The following MRTFA variants were observed in gnomAD, a reference collection of about 807,000 sequenced individuals.
MRTFA encodes myocardin-related transcription factor A.
Under a neutral mutation model 83.5 loss-of-function variants are expected in MRTFA, and 20 were observed. That is an observed-to-expected ratio of 0.24 (90% CI 0.17 to 0.35). The LOEUF (loss-of-function observed/expected upper bound fraction) is 0.35. Ranked by LOEUF, MRTFA falls within the 10% of genes least tolerant of loss-of-function variation. MRTFA has a pLI of 1.00. For synonymous variants in MRTFA, 659 were observed against 541.2 expected (o/e 1.22, Z -3.02); for missense variants, 1,200 against 1,224.7 (o/e 0.98, Z 0.30).
intron 3 of MRTFA, among the ~76,000 whole-genome samples, chr22:40,470,739 A>T (rs1006255286): frequency 2.0e-5 from 3 of 151,952 alleles, no homozygotes; most frequent in African/African-American, 7.3e-5. Flanking sequence ...ACCTGAGGTC[A>T]GGAGTTCGAG....
At chr22:40,486,930 A>G (rs778524312) in intron 3 of MRTFA, among the ~76,000 whole-genome samples, 2 of 152,240 alleles carry the variant, frequency 1.3e-5, no homozygotes, top group Non-Finnish European at 2.9e-5. Flanking sequence ...CCAAGGTTGC[A>G]TCACTGCAAT....
chr22:40,528,797 T>C (rs1402357853), intron 3 of MRTFA, among the ~76,000 whole-genome samples: 1 of 152,022 alleles, frequency 6.6e-6, no homozygotes, highest in Non-Finnish European at 1.5e-5. Flanking sequence ...TAGAGCAAGC[T>C]TGCCCATCCT....
chr22:40,441,429 G>A lies in MRTFA; in HGVS notation c.308-5875C>T, dbSNP rs563064680. 2.0e-3 allele frequency among the ~76,000 whole-genome samples: 305 copies of A among 152,222 alleles called. 1 individual carries two copies. Among genetic ancestry groups the A allele is most frequent in the Non-Finnish European group, 3.4e-3 (231 of 68,026 alleles). ...CTTGTTTGCTGCCTAAATTAAATGA[G>A]GTCATTTGTCAATTAAAGATATAAA... On this transcript the variant is annotated intron_variant, in intron 4 of 14. Coordinates refer to ENST00000355630, the MANE Select transcript of MRTFA (RefSeq NM_020831.6).
intron 3 of MRTFA, chr22:40,526,475 A>T (rs1396660225): frequency 6.6e-6 from 1 of 152,248 alleles, no homozygotes; most frequent in Non-Finnish European, 1.5e-5. Flanking sequence ...CAACAAACAA[A>T]GCCAATATGG....
At chr22:40,558,065 C>T (rs942051311) in intron 2 of MRTFA, among the ~76,000 whole-genome samples, 2 of 151,274 alleles carry the variant, frequency 1.3e-5, no homozygotes, top group African/African-American at 4.9e-5. Context: ...TGAGAGCTCA[C>T]CGAGTCCAGC....
chr22:40,426,184 C>G (rs931023363), intron 7 of MRTFA, among the ~76,000 whole-genome samples: 2 of 152,132 alleles, frequency 1.3e-5, no homozygotes, highest in Non-Finnish European at 2.9e-5. Context: ...TCCGCTCCCC[C>G]TTCTCCCACT....
intron 1 of MRTFA, among the ~76,000 whole-genome samples, chr22:40,607,593 C>T (rs867504337): frequency 1.3e-5 from 2 of 152,066 alleles, no homozygotes; most frequent in Non-Finnish European, 2.9e-5. Flanking sequence ...ATTTCCTCCA[C>T]GAATCAGCAC....
At position 40,419,094 on chromosome 22, in the gene MRTFA, G is replaced by A. The variant is rs979882578; in HGVS notation, c.1644C>T (p.Gly548=). The change falls in exon 12 of 15, where the codon GGC becomes GGT. Residue 548 remains glycine (G), a synonymous_variant. Transcript: ENST00000355630. ...GGGTGGGAGACACGGGGGGCGTGGAGCCCGTGCTGCCAAACTTCACCACCC... is the reference window on the plus strand; with the variant it reads ...GGGTGGGAGACACGGGGGGCGTGGAACCCGTGCTGCCAAACTTCACCACCC... 2.5e-5 allele frequency: 40 copies of A among 1,598,228 alleles called. No homozygotes were observed. The highest frequency in any genetic ancestry group is 1.6e-4 in the East Asian group (7 of 43,948).
At chr22:40,445,375 TAAG>T (rs2053356776) in intron 4 of MRTFA, among the ~76,000 whole-genome samples, 1 of 152,214 alleles carries the variant, frequency 6.6e-6, no homozygotes, top group South Asian at 2.1e-4. Flanking sequence ...GTGCATTTCC[TAAG>T]AATAAGGACA....
intron 1 of MRTFA, among the ~76,000 whole-genome samples, chr22:40,616,359 T>A (rs2056449098): frequency 6.6e-6 from 1 of 152,150 alleles, no homozygotes; most frequent in African/African-American, 2.4e-5. Flanking sequence ...GGAAAGAGCA[T>A]GGTATGATTA....
chr22:40,413,591 G>A lies in MRTFA; in HGVS notation c.2579-1684C>T, dbSNP rs572404197. On this transcript the variant is annotated intron_variant, in intron 14 of 14. Transcript: ENST00000355630. Reference sequence around the variant, plus strand: ...CAAAGTGCTGGGACTACAGGTGCCCGCCACCATGCCCGGATAAATTTTTTG... The same window carrying A: ...CAAAGTGCTGGGACTACAGGTGCCCACCACCATGCCCGGATAAATTTTTTG... Among the ~76,000 whole-genome samples the A allele has an allele frequency of 2.2e-4, 33 of 151,930 alleles. No individual in the cohort carries two copies. In the South Asian group the frequency reaches 2.7e-3, roughly 12 times the overall value.
chr22:40,577,948 G>A, intron 2 of MRTFA, among the ~76,000 whole-genome samples: 1 of 150,836 alleles, frequency 6.6e-6, no homozygotes, highest in Non-Finnish European at 1.5e-5. Flanking sequence ...AGACTCCTGA[G>A]AATTCATGAT....
At chr22:40,604,783 C>T (rs2056300272) in intron 1 of MRTFA, among the ~76,000 whole-genome samples, 1 of 152,074 alleles carries the variant, frequency 6.6e-6, no homozygotes, top group Non-Finnish European at 1.5e-5. Context: ...AATTCTAACG[C>T]TTATTCCTCA....
At chr22:40,488,619 G>A (rs2054213223) in intron 3 of MRTFA, among the ~76,000 whole-genome samples, 1 of 152,052 alleles carries the variant, frequency 6.6e-6, no homozygotes. Flanking sequence ...ATCAACTGAG[G>A]TCAGGAGTTC....
At chr22:40,502,151 C>CG (rs2054497251) in intron 3 of MRTFA, among the ~76,000 whole-genome samples, 4 of 127,372 alleles carry the variant, frequency 3.1e-5, no homozygotes, top group African/African-American at 6.0e-5. Context: ...GCTGGCCGGG[C>CG]GGGGGGCTGA....
chr22:40,555,266 A>G (rs925081390), intron 2 of MRTFA, among the ~76,000 whole-genome samples: 4 of 152,326 alleles, frequency 2.6e-5, no homozygotes, highest in Admixed American at 6.5e-5. Context: ...TATGACTCTG[A>G]TATTTGTCCC....
chr22:40,450,464 A>T (rs1163674744), intron 4 of MRTFA, among the ~76,000 whole-genome samples: 1 of 150,546 alleles, frequency 6.6e-6, no homozygotes, highest in East Asian at 1.9e-4. Flanking sequence ...GTATTTATTT[A>T]TTCATTTTTG....
chr22:40,526,561 T>C (rs1256910040), intron 3 of MRTFA: 1 of 152,234 alleles, frequency 6.6e-6, no homozygotes, highest in African/African-American at 2.4e-5. Context: ...TGGGACTTTG[T>C]AGACGAGTAT....
chr22:40,550,842 TTTC>T lies in MRTFA; in HGVS notation c.241+1261_241+1263del, dbSNP rs2055432870. Among the ~76,000 whole-genome samples the T allele has an allele frequency of 6.7e-5, 5 of 74,804 alleles. No individual in the cohort carries two copies. In the South Asian group the frequency reaches 1.8e-3, roughly 27 times the overall value. The allele number at this position is 74,804 out of a possible 152,430, so 49.1% of individuals were successfully genotyped here. On this transcript the variant is annotated intron_variant, in intron 3 of 14. Coordinates refer to ENST00000355630, the MANE Select transcript of MRTFA (RefSeq NM_020831.6). ...TTTCTATATTGTTCTTTATCCATTTTTTCTTTTTTCTTTTTTTTTTTTTTTTGA... is the reference window on the plus strand; with the variant it reads ...TTTCTATATTGTTCTTTATCCATTTTTTTTTTCTTTTTTTTTTTTTTTTGA...
Sources: gnomAD v4.1 joint callset for allele counts (sites outside exome capture counted in the v4.1 genomes callset) on GRCh38, gnomAD v4.1.1 for gene constraint, MANE v1.5 for transcripts, NCBI Gene and HGNC (gene_info 2026-07-23, HGNC 2026-07-21) for gene names.